RUNDC3B: variants seen among roughly 807,000 people sequenced by gnomAD.
RUNDC3B encodes the protein RUN domain containing 3B, also known as RUN domain-containing protein 3B.
In RUNDC3B, 33 loss-of-function variants were observed where a neutral mutation model predicts 58.4. The ratio of observed to expected loss-of-function variants is 0.56; its 90% CI spans 0.43 to 0.75. The LOEUF is 0.75. Ranked by LOEUF, RUNDC3B falls within the 30% of genes least tolerant of loss-of-function variation. RUNDC3B has a pLI of 0.00. For synonymous variants in RUNDC3B, 193 were observed against 195.2 expected (o/e 0.99, Z 0.10); for missense variants, 501 against 535.7 (o/e 0.94, Z 0.64).
intron 8 of RUNDC3B, among the ~76,000 whole-genome samples, chr7:87,801,639 C>A (rs1366746725): frequency 6.6e-6 from 1 of 152,050 alleles, no homozygotes; most frequent in Non-Finnish European, 1.5e-5. Context: ...CGTTGTGGCA[C>A]ATACCTGTAG....
chr7:87,664,747 A>G (rs1563114918), intron 2 of RUNDC3B, among the ~76,000 whole-genome samples: 1 of 152,170 alleles, frequency 6.6e-6, no homozygotes, highest in Non-Finnish European at 1.5e-5. Context: ...ATAGCAAAAT[A>G]TATAAGTTTG....
intron 6 of RUNDC3B, among the ~76,000 whole-genome samples, chr7:87,755,491 A>G (rs902754146): frequency 1.3e-5 from 2 of 152,204 alleles, no homozygotes; most frequent in Non-Finnish European, 2.9e-5. Flanking sequence ...AAAAATCCTC[A>G]ACAAAATACT....
chr7:87,678,666 AAAAG>A (rs1826620093), intron 2 of RUNDC3B, among the ~76,000 whole-genome samples: 1 of 152,200 alleles, frequency 6.6e-6, no homozygotes, highest in Admixed American at 6.5e-5. Flanking sequence ...ACTGGGTAAA[AAAAG>A]GACTCAATAT....
rs530111754 is a variant in RUNDC3B, at chr7:87,818,304, C to T, written c.1225+2042C>T. 1.4e-3 allele frequency among the ~76,000 whole-genome samples: 208 copies of T among 152,208 alleles called. 1 individual carries two copies. The highest frequency in any genetic ancestry group is 4.9e-3 in the African/African-American group (205 of 41,550). On this transcript the variant is annotated intron_variant, in intron 10 of 10. Transcript: ENST00000394654. ...AGGTTTAATAGCAGATTAAAAGTTA[C>T]TTACAGAGTTTCCATACCCAATTAT...
At chr7:87,679,547 AC>A (rs1278694008) in intron 2 of RUNDC3B, among the ~76,000 whole-genome samples, 4 of 149,318 alleles carry the variant, frequency 2.7e-5, no homozygotes, top group African/African-American at 1.0e-4. Flanking sequence ...ACACCACTAC[AC>A]CCAGCTAATT....
At chr7:87,775,919 T>C (rs1343125426) in intron 7 of RUNDC3B, among the ~76,000 whole-genome samples, 1 of 152,164 alleles carries the variant, frequency 6.6e-6, no homozygotes, top group Non-Finnish European at 1.5e-5. Context: ...AGCAACACAT[T>C]TCTCAGAACA....
intron 8 of RUNDC3B, among the ~76,000 whole-genome samples, chr7:87,806,914 G>A (rs1836466996): frequency 6.6e-6 from 1 of 150,454 alleles, no homozygotes; most frequent in South Asian, 2.1e-4. Flanking sequence ...TTTGCAGTCA[G>A]TTTTTTTTTC....
intron 2 of RUNDC3B, among the ~76,000 whole-genome samples, chr7:87,667,984 A>G (rs1284789686): frequency 2.0e-5 from 3 of 151,992 alleles, no homozygotes; most frequent in Non-Finnish European, 2.9e-5. Flanking sequence ...GGGTATTAAG[A>G]TGATGTTGGC....
At chr7:87,702,069 G>C (rs1829099804) in intron 3 of RUNDC3B, among the ~76,000 whole-genome samples, 1 of 147,110 alleles carries the variant, frequency 6.8e-6, no homozygotes, top group African/African-American at 2.5e-5. Flanking sequence ...CGTGAACCCA[G>C]GAGGCGGAGC....
At chr7:87,724,978 T>A (rs1311133471) in intron 4 of RUNDC3B, among the ~76,000 whole-genome samples, 1 of 152,072 alleles carries the variant, frequency 6.6e-6, no homozygotes, top group Non-Finnish European at 1.5e-5. Context: ...ATAAATTAAT[T>A]TTCATATCAA....
At chr7:87,770,060 G>A (rs1174263746) in intron 6 of RUNDC3B, among the ~76,000 whole-genome samples, 1 of 151,858 alleles carries the variant, frequency 6.6e-6, no homozygotes, top group Admixed American at 6.6e-5. Flanking sequence ...AGTAGGAAAT[G>A]CTTAGGAGTG....
At chr7:87,747,304 G>A (rs1832700506) in intron 6 of RUNDC3B, among the ~76,000 whole-genome samples, 1 of 152,186 alleles carries the variant, frequency 6.6e-6, no homozygotes, top group Non-Finnish European at 1.5e-5. Flanking sequence ...GGGGGTGTGT[G>A]CACAGAGTCC....
chr7:87,742,652 T>C (rs1466401198), intron 6 of RUNDC3B, among the ~76,000 whole-genome samples: 21 of 152,076 alleles, frequency 1.4e-4, no homozygotes, highest in Admixed American at 1.4e-3. Flanking sequence ...GAAAATGAGC[T>C]TTTATTTGTC....
chr7:87,808,409 C>A (rs1490398494), intron 9 of RUNDC3B, among the ~76,000 whole-genome samples: 1 of 151,922 alleles, frequency 6.6e-6, no homozygotes, highest in Non-Finnish European at 1.5e-5. Flanking sequence ...TATTAGTAGC[C>A]AGATATTTCT....
intron 10 of RUNDC3B, among the ~76,000 whole-genome samples, chr7:87,827,529 A>G (rs1016064683): frequency 1.3e-5 from 2 of 152,142 alleles, no homozygotes; most frequent in Admixed American, 6.6e-5. Context: ...GCAGGGTAGC[A>G]ACCCTTATAT....
At chr7:87,750,359 A>C (rs1230862645) in intron 6 of RUNDC3B, among the ~76,000 whole-genome samples, 1 of 151,514 alleles carries the variant, frequency 6.6e-6, no homozygotes, top group African/African-American at 2.4e-5. Flanking sequence ...GTGTCTTTAT[A>C]GCAGCATGAT....
intron 2 of RUNDC3B, among the ~76,000 whole-genome samples, chr7:87,688,216 C>T (rs914265736): frequency 2.0e-5 from 3 of 151,862 alleles, no homozygotes; most frequent in African/African-American, 2.4e-5. Flanking sequence ...TCGAAGCATC[C>T]GGGGTTATGT....
chr7:87,708,942 C>T (rs1377982611), intron 3 of RUNDC3B, among the ~76,000 whole-genome samples: 1 of 152,068 alleles, frequency 6.6e-6, no homozygotes, highest in Non-Finnish European at 1.5e-5. Context: ...TTTTCATAAA[C>T]CTTCATTTTA....
At chr7:87,761,811 G>T (rs182996524) in intron 6 of RUNDC3B, among the ~76,000 whole-genome samples, 6 of 151,832 alleles carry the variant, frequency 4.0e-5, no homozygotes, top group Admixed American at 2.0e-4. Flanking sequence ...TGCCCTGGGG[G>T]AAAAGGGAGC....
Sources: gnomAD v4.1 joint callset for allele counts (sites outside exome capture counted in the v4.1 genomes callset) on GRCh38, gnomAD v4.1.1 for gene constraint, MANE v1.5 for transcripts, NCBI Gene and HGNC (gene_info 2026-07-23, HGNC 2026-07-21) for gene names.